CTNND2: variants seen among roughly 807,000 people sequenced by gnomAD.
CTNND2 encodes the protein catenin delta-2.
Under a neutral mutation model 144.4 loss-of-function variants are expected in CTNND2, and 22 were observed. The observed-to-expected ratio is 0.15, with a 90% confidence interval of 0.11 to 0.22. The LOEUF (loss-of-function observed/expected upper bound fraction) is 0.22. CTNND2 is among the 10% of genes least tolerant of loss of function. The pLI, the probability that CTNND2 is intolerant of heterozygous loss-of-function variation, is 1.00. For synonymous variants in CTNND2, 751 were observed against 695.6 expected (o/e 1.08, Z -1.25); for missense variants, 1,353 against 1,618.8 (o/e 0.84, Z 2.82).
intron 1 of CTNND2, among the ~76,000 whole-genome samples, chr5:11,772,262 A>T (rs1252494471): frequency 6.6e-6 from 1 of 151,772 alleles, no homozygotes; most frequent in African/African-American, 2.4e-5. Flanking sequence ...TGTTTTATCT[A>T]TTTCTAAAGT....
intron 3 of CTNND2, among the ~76,000 whole-genome samples, chr5:11,486,816 G>T (rs994367794): frequency 1.9e-4 from 29 of 152,134 alleles, no homozygotes; most frequent in African/African-American, 7.0e-4. Context: ...AGCTGTATAT[G>T]AAATAATTTA....
At chr5:11,733,952 G>A (rs1456085474) in intron 1 of CTNND2, among the ~76,000 whole-genome samples, 4 of 152,108 alleles carry the variant, frequency 2.6e-5, no homozygotes, top group East Asian at 1.9e-4. Context: ...CTAGGAGGAG[G>A]GGCCTTTGAG....
intron 10 of CTNND2, among the ~76,000 whole-genome samples, chr5:11,224,611 G>C (rs1026792507): frequency 6.6e-6 from 1 of 152,142 alleles, no homozygotes; most frequent in Non-Finnish European, 1.5e-5. Context: ...ATGTCACCCA[G>C]CTGTTTCCTG....
At chr5:11,056,985 C>A (rs1746410502) in intron 16 of CTNND2, among the ~76,000 whole-genome samples, 1 of 152,170 alleles carries the variant, frequency 6.6e-6, no homozygotes, top group Non-Finnish European at 1.5e-5. Flanking sequence ...TTCATTTAAT[C>A]ATTTGTGTGT....
intron 2 of CTNND2, chr5:11,588,737 T>C: frequency 1.0e-6 from 1 of 984,892 alleles, no homozygotes; most frequent in African/African-American, 1.7e-5. Context: ...TCTTTTACCT[T>C]TACTGTACCT....
At chr5:11,630,948 C>T (rs1392899842) in intron 2 of CTNND2, among the ~76,000 whole-genome samples, 4 of 148,166 alleles carry the variant, frequency 2.7e-5, no homozygotes. Flanking sequence ...GAGCGAAACT[C>T]CATCTCAAAA....
At chr5:11,401,147 C>A (rs1760613982) in intron 5 of CTNND2, among the ~76,000 whole-genome samples, 1 of 152,138 alleles carries the variant, frequency 6.6e-6, no homozygotes, top group Admixed American at 6.5e-5. Context: ...TGTTAATTTT[C>A]TGCATAAAAA....
intron 2 of CTNND2, among the ~76,000 whole-genome samples, chr5:11,628,388 C>G (rs1355921176): frequency 6.6e-6 from 1 of 152,142 alleles, no homozygotes; most frequent in Non-Finnish European, 1.5e-5. Flanking sequence ...TAACTCAATT[C>G]TCAAAACAGT....
chr5:11,179,779 T>G (rs748149259), intron 11 of CTNND2, among the ~76,000 whole-genome samples: 2 of 152,198 alleles, frequency 1.3e-5, no homozygotes, highest in Non-Finnish European at 2.9e-5. Context: ...AATATGTAAT[T>G]GGCTTGGAGA....
intron 1 of CTNND2, among the ~76,000 whole-genome samples, chr5:11,733,583 A>G (rs1263603127): frequency 6.6e-6 from 1 of 152,222 alleles, no homozygotes; most frequent in African/African-American, 2.4e-5. Context: ...TTAATAATTT[A>G]CCAATAATTA....
intron 1 of CTNND2, among the ~76,000 whole-genome samples, chr5:11,772,336 G>T (rs2126827947): frequency 1.3e-5 from 2 of 152,202 alleles, no homozygotes; most frequent in African/African-American, 4.8e-5. Context: ...TTAAAGTCAA[G>T]TGGTAGGGCT....
At chr5:11,797,316 T>C (rs1791456181) in intron 1 of CTNND2, among the ~76,000 whole-genome samples, 1 of 152,176 alleles carries the variant, frequency 6.6e-6, no homozygotes, top group South Asian at 2.1e-4. Flanking sequence ...GGCACTTGCC[T>C]GCGTCTCACC....
intron 9 of CTNND2, among the ~76,000 whole-genome samples, chr5:11,333,860 C>G (rs1753455387): frequency 6.6e-6 from 1 of 152,136 alleles, no homozygotes; most frequent in Non-Finnish European, 1.5e-5. Flanking sequence ...CCACACACTG[C>G]CACCCCTATG....
chr5:11,721,968 C>A (rs932371776), intron 2 of CTNND2, among the ~76,000 whole-genome samples: 1 of 152,152 alleles, frequency 6.6e-6, no homozygotes, highest in Non-Finnish European at 1.5e-5. Flanking sequence ...TGTGATCTAG[C>A]ACTCTGAAAC....
intron 12 of CTNND2, among the ~76,000 whole-genome samples, chr5:11,148,179 G>A (rs1757426401): frequency 6.6e-6 from 1 of 152,186 alleles, no homozygotes; most frequent in African/African-American, 2.4e-5. Flanking sequence ...AGGCAGAATG[G>A]GAGTAACTGC....
chr5:11,047,776 T>C (rs852639), intron 16 of CTNND2, among the ~76,000 whole-genome samples: 115,235 of 151,996 alleles, frequency 0.76, 44,292 homozygotes, highest in East Asian at 0.92. Flanking sequence ...CCAGGTAAAA[T>C]ACCAGCTCTT....
intron 7 of CTNND2, among the ~76,000 whole-genome samples, chr5:11,377,276 C>T (rs1758033344): frequency 6.6e-6 from 1 of 151,944 alleles, no homozygotes; most frequent in African/African-American, 2.4e-5. Flanking sequence ...AGGCTGGTCT[C>T]GAACTCCTGA....
chr5:11,047,798 A>G (rs1404412159), intron 16 of CTNND2, among the ~76,000 whole-genome samples: 1 of 152,182 alleles, frequency 6.6e-6, no homozygotes, highest in African/African-American at 2.4e-5. Flanking sequence ...GGACTGGCCA[A>G]CAGGACCCCT....
chr5:11,270,583 G>A (rs1275799334), intron 9 of CTNND2, among the ~76,000 whole-genome samples: 1 of 152,018 alleles, frequency 6.6e-6, no homozygotes, highest in Non-Finnish European at 1.5e-5. Flanking sequence ...GGAGACAATA[G>A]ATTATGAAAT....
Sources: allele counts gnomAD v4.1 joint callset (sites outside exome capture counted in the v4.1 genomes callset), GRCh38; gene constraint gnomAD v4.1.1; transcripts MANE v1.5; gene names NCBI Gene and HGNC (gene_info 2026-07-23, HGNC 2026-07-21).